Variants in CCSER1 observed in about 807,000 individuals in gnomAD.
The protein encoded by CCSER1 is serine-rich coiled-coil domain-containing protein 1.
A neutral mutation model predicts 82.0 loss-of-function variants in CCSER1; 41 were observed. The observed-to-expected ratio is 0.50, with a 90% CI of 0.39 to 0.65. The LOEUF is 0.65. CCSER1 is among the 30% of genes least tolerant of loss of function. CCSER1 has a pLI of 0.00. For missense variants in CCSER1, 1,119 were observed against 1,064.2 expected (o/e 1.05, Z -0.72); for synonymous variants, 414 against 383.9 (o/e 1.08, Z -0.92).
In CCSER1 at chr4:91,574,444, G is replaced by A. The variant is rs193284922; in HGVS notation, c.2218-24128G>A. Among the ~76,000 whole-genome samples the A allele has an allele frequency of 2.2e-3, 330 of 151,918 alleles. 2 individuals carry two copies. Among genetic ancestry groups the A allele is most frequent in the African/African-American group, 7.5e-3 (312 of 41,444 alleles). ...TTCTACCAAAAAAACACATGCACTC[G>A]TATGTTAATCACAGCACTATTCACA... On this transcript the variant is annotated intron_variant, in intron 10 of 10. Transcript: ENST00000509176.
intron 10 of CCSER1, among the ~76,000 whole-genome samples, chr4:91,184,368 A>G (rs1035725228): frequency 6.6e-6 from 1 of 152,252 alleles, no homozygotes; most frequent in Admixed American, 6.5e-5. Context: ...AAGGGGTAGT[A>G]AAGAAACAGT....
chr4:91,419,035 T>G (rs142776511), intron 10 of CCSER1, among the ~76,000 whole-genome samples: 129 of 152,052 alleles, frequency 8.5e-4, no homozygotes, highest in African/African-American at 3.1e-3. Flanking sequence ...TTTTCAACAC[T>G]TTTTCACGAT....
intron 9 of CCSER1, among the ~76,000 whole-genome samples, chr4:90,966,465 A>G (rs1259943389): frequency 1.3e-5 from 2 of 152,142 alleles, no homozygotes; most frequent in African/African-American, 2.4e-5. Context: ...AACAAAGGAT[A>G]AAAGCTGCCA....
chr4:90,452,471 T>C (rs922057400), intron 4 of CCSER1, among the ~76,000 whole-genome samples: 2 of 152,210 alleles, frequency 1.3e-5, no homozygotes, highest in South Asian at 4.1e-4. Flanking sequence ...GTTAACTTAA[T>C]ACCTCTGGTT....
chr4:90,436,820 T>G (rs866310877), intron 4 of CCSER1, among the ~76,000 whole-genome samples: 7 of 151,930 alleles, frequency 4.6e-5, no homozygotes, highest in Non-Finnish European at 7.4e-5. Context: ...CTTTTTTTTT[T>G]TTTTGAGACG....
chr4:91,008,186 G>A (rs1738689995), intron 9 of CCSER1, among the ~76,000 whole-genome samples: 1 of 152,096 alleles, frequency 6.6e-6, no homozygotes, highest in African/African-American at 2.4e-5. Context: ...GTATATGAGA[G>A]GAATATTCTG....
intron 10 of CCSER1, among the ~76,000 whole-genome samples, chr4:91,379,790 A>C (rs901036429): frequency 1.6e-4 from 25 of 152,120 alleles, no homozygotes; most frequent in Middle Eastern, 3.4e-3. Context: ...CTTCTGCTAG[A>C]TTTTGAATGT....
chr4:91,218,246 T>C (rs1385223310), intron 10 of CCSER1, among the ~76,000 whole-genome samples: 2 of 152,034 alleles, frequency 1.3e-5, no homozygotes, highest in Non-Finnish European at 2.9e-5. Flanking sequence ...GCCAGAAGGG[T>C]TGGCTGGCTG....
At chr4:91,142,873 T>A (rs965362020) in intron 10 of CCSER1, among the ~76,000 whole-genome samples, 6 of 152,158 alleles carry the variant, frequency 3.9e-5, no homozygotes, top group Non-Finnish European at 5.9e-5. Context: ...GCTATTTTGG[T>A]TACTGTAACT....
chr4:91,444,010 A>G (rs1315868986), intron 10 of CCSER1, among the ~76,000 whole-genome samples: 15 of 152,014 alleles, frequency 9.9e-5, no homozygotes, highest in Admixed American at 9.2e-4. Context: ...GGAGAAGAAA[A>G]CAAAAGAATT....
chr4:90,243,622 A>T (rs906351867), intron 1 of CCSER1, among the ~76,000 whole-genome samples: 2 of 151,980 alleles, frequency 1.3e-5, no homozygotes, highest in African/African-American at 4.8e-5. Context: ...TCCTGGCCTC[A>T]AACAATCCTA....
intron 7 of CCSER1, among the ~76,000 whole-genome samples, chr4:90,807,497 T>C (rs1488759212): frequency 1.3e-5 from 2 of 152,134 alleles, no homozygotes; most frequent in Non-Finnish European, 2.9e-5. Flanking sequence ...CTCACACTTG[T>C]AGTCCTACCT....
intron 9 of CCSER1, among the ~76,000 whole-genome samples, chr4:91,065,236 A>G (rs962363877): frequency 6.6e-6 from 1 of 152,202 alleles, no homozygotes; most frequent in Admixed American, 6.5e-5. Flanking sequence ...GAGATCCTTC[A>G]TCCTTAAAGA....
intron 9 of CCSER1, among the ~76,000 whole-genome samples, chr4:91,001,060 C>G (rs1737991293): frequency 6.6e-6 from 1 of 151,988 alleles, no homozygotes; most frequent in African/African-American, 2.4e-5. Context: ...ATAGATAGCT[C>G]TTATTATTTT....
intron 10 of CCSER1, among the ~76,000 whole-genome samples, chr4:91,336,915 T>C (rs1747362488): frequency 1.3e-5 from 2 of 152,136 alleles, no homozygotes; most frequent in South Asian, 2.1e-4. Context: ...TGAAGTGATA[T>C]GTATAAATAC....
chr4:91,119,893 T>C (rs1238798814), intron 10 of CCSER1, among the ~76,000 whole-genome samples: 1 of 151,882 alleles, frequency 6.6e-6, no homozygotes, highest in Admixed American at 6.6e-5. Flanking sequence ...TAAAAAGCAG[T>C]TAGGAAGATT....
intron 10 of CCSER1, among the ~76,000 whole-genome samples, chr4:91,165,823 A>C (rs1305369327): frequency 6.6e-6 from 1 of 152,254 alleles, no homozygotes; most frequent in Non-Finnish European, 1.5e-5. Context: ...CCAATGTTCC[A>C]GATATCATCT....
intron 10 of CCSER1, among the ~76,000 whole-genome samples, chr4:91,332,010 A>G (rs1746994168): frequency 6.6e-6 from 1 of 152,136 alleles, no homozygotes; most frequent in Non-Finnish European, 1.5e-5. Context: ...TGTCAATATA[A>G]ATGAATGATA....
At chr4:91,490,719 A>G (rs1027289577) in intron 10 of CCSER1, among the ~76,000 whole-genome samples, 1 of 149,890 alleles carries the variant, frequency 6.7e-6, no homozygotes, top group Non-Finnish European at 1.5e-5. Context: ...ACTACAGTTA[A>G]CAGTAATCTA....
Sources: allele counts gnomAD v4.1 joint callset (sites outside exome capture counted in the v4.1 genomes callset), GRCh38; gene constraint gnomAD v4.1.1; transcripts MANE v1.5; gene names NCBI Gene and HGNC (gene_info 2026-07-23, HGNC 2026-07-21).